Variants in ADAMTS18 observed in about 807,000 individuals in gnomAD.
ADAMTS18 encodes the protein A disintegrin and metalloproteinase with thrombospondin motifs 18.
A neutral mutation model predicts 165.9 loss-of-function variants in ADAMTS18; 157 were observed. The ratio of observed to expected loss-of-function variants is 0.95; its 90% CI spans 0.83 to 1.08. The LOEUF (loss-of-function observed/expected upper bound fraction) is 1.08, where lower values mean the gene tolerates loss of function less well. ADAMTS18 is among the 50% of genes least tolerant of loss of function. The pLI, the probability that ADAMTS18 is intolerant of heterozygous loss-of-function variation, is 0.00. For missense variants in ADAMTS18, 2,040 were observed against 1,534.0 expected, an observed-to-expected ratio of 1.33 and a Z score of -5.51; for synonymous variants, 782 against 578.2, an observed-to-expected ratio of 1.35 and a Z score of -5.06.
At chr16:77,411,515 T>C (rs2057462700) in intron 3 of ADAMTS18, among the ~76,000 whole-genome samples, 1 of 152,094 alleles carries the variant, frequency 6.6e-6, no homozygotes, top group Admixed American at 6.6e-5. Flanking sequence ...AGCCATCTAG[T>C]ACAGGAGACA....
chr16:77,410,750 T>C (rs2057451729), intron 3 of ADAMTS18, among the ~76,000 whole-genome samples: 2 of 152,074 alleles, frequency 1.3e-5, no homozygotes, highest in Admixed American at 1.3e-4. Flanking sequence ...GAGAAACTAA[T>C]AACACTGGAT....
intron 3 of ADAMTS18, among the ~76,000 whole-genome samples, chr16:77,373,185 G>T (rs563104589): frequency 1.3e-5 from 2 of 151,914 alleles, no homozygotes; most frequent in East Asian, 1.9e-4. Flanking sequence ...CCGTACTCAC[G>T]ACCCTATTGA....
chr16:77,362,602 A>T (rs1051424242), intron 6 of ADAMTS18, among the ~76,000 whole-genome samples: 1 of 152,212 alleles, frequency 6.6e-6, no homozygotes, highest in Admixed American at 6.5e-5. Flanking sequence ...GATGAAGTTC[A>T]ATGGCTTTTC....
chr16:77,401,004 C>G (rs1358835120), intron 3 of ADAMTS18, among the ~76,000 whole-genome samples: 1 of 152,082 alleles, frequency 6.6e-6, no homozygotes, highest in Non-Finnish European at 1.5e-5. Context: ...GCCTGTAATT[C>G]TAGCACTTTG....
intron 3 of ADAMTS18, among the ~76,000 whole-genome samples, chr16:77,412,141 C>T (rs1567549425): frequency 6.6e-6 from 1 of 151,992 alleles, no homozygotes; most frequent in Non-Finnish European, 1.5e-5. Context: ...CACTGAAGGC[C>T]TAAATAGAAC....
rs781486647 is a variant in ADAMTS18, at chr16:77,434,403, G to T, written c.178+15C>A. 6.4e-7 allele frequency: 1 copy of T among 1,564,016 alleles called. No homozygotes were observed. Among genetic ancestry groups the T allele is most frequent in the Admixed American group, 1.8e-5 (1 of 54,944 alleles). ...TGCGAAAGGCCCTTCTTGGGGATGG[G>T]GGGCAAATACGAACCATCATTTAAT... is the stretch of plus-strand genomic sequence containing the variant. On this transcript the variant is annotated intron_variant, in intron 2 of 22. Coordinates refer to ENST00000282849, the MANE Select transcript of ADAMTS18 (RefSeq NM_199355.4).
At chr16:77,403,859 T>C (rs537450757) in intron 3 of ADAMTS18, among the ~76,000 whole-genome samples, 33 of 152,218 alleles carry the variant, frequency 2.2e-4, no homozygotes, top group African/African-American at 7.7e-4. Context: ...CACGATGCCA[T>C]GCAAGTACAA....
intron 3 of ADAMTS18, among the ~76,000 whole-genome samples, chr16:77,400,704 C>G: frequency 6.6e-6 from 1 of 151,438 alleles, no homozygotes; most frequent in Non-Finnish European, 1.5e-5. Flanking sequence ...CTCCTGACCT[C>G]GTGATCCGCC....
At chr16:77,370,291 A>C (rs1166029186) in intron 3 of ADAMTS18, among the ~76,000 whole-genome samples, 1 of 152,224 alleles carries the variant, frequency 6.6e-6, no homozygotes, top group East Asian at 1.9e-4. Context: ...GAAGAAGCCA[A>C]ATTGTCCCTG....
intron 4 of ADAMTS18, among the ~76,000 whole-genome samples, chr16:77,364,848 G>A (rs779557199): frequency 2.0e-5 from 3 of 152,200 alleles, no homozygotes; most frequent in Non-Finnish European, 2.9e-5. Context: ...GCTCACGCCC[G>A]TAATCCCAGC....
At chr16:77,332,853 AT>A (rs2056212702) in intron 12 of ADAMTS18, among the ~76,000 whole-genome samples, 1 of 152,318 alleles carries the variant, frequency 6.6e-6, no homozygotes, top group East Asian at 1.9e-4. Context: ...TTTGAAGAAA[AT>A]TGAATTTGCT....
Position 77,294,998 on chromosome 16 carries a change from C to T in ADAMTS18, c.2931G>A (p.Val977=), listed in dbSNP as rs12935229. 205,585 of 1,614,014 alleles carry T rather than the reference C, an allele frequency of 0.13. 14,024 individuals are homozygous for T. Among genetic ancestry groups the T allele is most frequent in the Admixed American group, 0.2 (11,915 of 59,988 alleles). Residue 977 remains valine, a synonymous_variant, in exon 19 of 23, where the codon GTG becomes GTA. Transcript: ENST00000282849. ...AGGCTTGGACCTGAGTGGGTGTGCT[C>T]ACTGGACAGAGAGAATGCAACACTG... ...EEAVLHSLCP[V]STPTQVQACN... is the part of the protein sequence containing the mutation.
At chr16:77,351,020 C>T (rs2056548286) in intron 10 of ADAMTS18, among the ~76,000 whole-genome samples, 1 of 152,062 alleles carries the variant, frequency 6.6e-6, no homozygotes, top group South Asian at 2.1e-4. Context: ...CTCTTTCCTG[C>T]GTTGCCAGAG....
chr16:77,287,547 G>A (rs11641464), intron 22 of ADAMTS18, among the ~76,000 whole-genome samples: 50,317 of 151,864 alleles, frequency 0.33, 10,418 homozygotes, highest in Non-Finnish European at 0.46. Flanking sequence ...GTGCAATCTC[G>A]GGTCACTGCA....
At chr16:77,353,311 T>A (rs1361942936) in intron 10 of ADAMTS18, among the ~76,000 whole-genome samples, 1 of 152,110 alleles carries the variant, frequency 6.6e-6, no homozygotes, top group Admixed American at 6.5e-5. Context: ...TAGACAATAT[T>A]AAAAAAGCTA....
rs111401741 is a variant in ADAMTS18, at chr16:77,364,046, A to G, written c.972+142T>C. ...ACTCAACTTAAAAAAATAAAACCAC[A>G]TATGTAGCTATTAAAAGTAATGGCA... is the stretch of plus-strand genomic sequence containing the variant. On this transcript the variant is annotated intron_variant, in intron 5 of 22. Coordinates refer to ENST00000282849, the MANE Select transcript of ADAMTS18 (RefSeq NM_199355.4). 1.2e-4 allele frequency: 155 copies of G among 1,279,286 alleles called. No homozygotes were observed. The African/African-American group carries it at 2.0e-3, about 17-fold the overall frequency. 79.2% of individuals were successfully genotyped at this position (1,279,286 alleles called of 1,614,324 possible).
intron 3 of ADAMTS18, among the ~76,000 whole-genome samples, chr16:77,414,085 G>T (rs2057499404): frequency 6.6e-6 from 1 of 152,184 alleles, no homozygotes; most frequent in Non-Finnish European, 1.5e-5. Flanking sequence ...ATTCTGCAGA[G>T]AAACAGAACC....
chr16:77,376,695 A>C (rs2056958480), intron 3 of ADAMTS18, among the ~76,000 whole-genome samples: 1 of 152,164 alleles, frequency 6.6e-6, no homozygotes, highest in African/African-American at 2.4e-5. Context: ...TCTGACCCAG[A>C]GTCAATATTC....
chr16:77,424,857 G>T (rs1298415647), intron 3 of ADAMTS18, among the ~76,000 whole-genome samples: 1 of 152,076 alleles, frequency 6.6e-6, no homozygotes, highest in Non-Finnish European at 1.5e-5. Flanking sequence ...GCTCCAAGGG[G>T]GTGTATGTAA....
Sources: allele counts gnomAD v4.1 joint callset (sites outside exome capture counted in the v4.1 genomes callset), GRCh38; gene constraint gnomAD v4.1.1; transcripts MANE v1.5; gene names NCBI Gene and HGNC (gene_info 2026-07-23, HGNC 2026-07-21).